The following LETM1 variants were observed in gnomAD, a reference collection of about 807,000 sequenced individuals.
LETM1 encodes the protein mitochondrial proton/calcium exchanger protein.
A neutral mutation model predicts 74.5 loss-of-function variants in LETM1; 50 were observed. The observed-to-expected ratio is 0.67, with a 90% CI of 0.53 to 0.85. The LOEUF is 0.85. Ranked by LOEUF, LETM1 falls within the 40% of genes least tolerant of loss-of-function variation. LETM1 has a pLI of 0.00. For missense variants in LETM1, 824 were observed against 967.8 expected (o/e 0.85, Z 1.97); for synonymous variants, 446 against 407.1 (o/e 1.10, Z -1.15).
In LETM1 at chr4:1,841,319, A is replaced by G. The variant is rs754410266; in HGVS notation, c.594+28T>C. On this transcript the variant is annotated intron_variant, in intron 3 of 13. Transcript: ENST00000302787. ...GCCTGGGTGATAGAGCAAGAAAGAAAAGAAAGGACTAGACATGTCCCCATT... is the reference window on the plus strand; with the variant it reads ...GCCTGGGTGATAGAGCAAGAAAGAAGAGAAAGGACTAGACATGTCCCCATT... 1.0e-5 allele frequency: 16 copies of G among 1,588,716 alleles called. No individual in the cohort carries two copies. In the Admixed American group the frequency reaches 1.0e-4, roughly 10 times the overall value.
intron 2 of LETM1, among the ~76,000 whole-genome samples, chr4:1,847,540 C>G (rs114137111): frequency 0.033 from 5,034 of 152,128 alleles, 131 homozygotes; most frequent in Non-Finnish European, 0.052. Flanking sequence ...ACGGGAGCAG[C>G]TAGGCGCAGT....
intron 1 of LETM1, among the ~76,000 whole-genome samples, chr4:1,850,266 G>T (rs923597536): frequency 6.6e-6 from 1 of 152,076 alleles, no homozygotes; most frequent in African/African-American, 2.4e-5. Context: ...CTAAGTGAAG[G>T]GTCTGCCCCA....
chr4:1,822,091 C>T, intron 10 of LETM1, 90 bp downstream of exon 10: 2 of 1,273,984 alleles, frequency 1.6e-6, no homozygotes, highest in Non-Finnish European at 2.0e-6. Context: ...GATGCCCCAG[C>T]TAACCTGTCC....
rs1712402266 is a variant in LETM1, at chr4:1,834,720, G to C, written c.876+125C>G. The C allele has an allele frequency of 5.9e-6, 9 of 1,518,616 alleles. No individual in the cohort carries two copies. In the South Asian group the frequency reaches 1.1e-4, roughly 18 times the overall value. 94.1% of individuals were successfully genotyped at this position (1,518,616 alleles called of 1,614,324 possible). On this transcript the variant is annotated intron_variant, in intron 5 of 13. Transcript: ENST00000302787. The surrounding 1 kb of genome is among the most constrained non-coding windows in gnomAD (Gnocchi z 5.0). ...CACTGGCCCCCGACTGAGCCTCCTGGGTAAACTTTCAAGCGCCAGCCAGCA... is the reference window on the plus strand; with the variant it reads ...CACTGGCCCCCGACTGAGCCTCCTGCGTAAACTTTCAAGCGCCAGCCAGCA...
At position 1,836,534 on chromosome 4, in the gene LETM1, C is replaced by T. The variant is rs757539857; in HGVS notation, c.633G>A (p.Pro211=). ...ACGGCACCACCACGAACACAAGGAA[C>T]GGCACCAGGCGGAAGAGGTCAGCGC... ...RICADLFRLV[P]FLVFVVVPFM... is the part of the protein sequence containing the mutation. Residue 211 remains proline, a synonymous_variant, in exon 4 of 14, where the codon CCG becomes CCA. Coordinates refer to ENST00000302787, the MANE Select transcript of LETM1 (RefSeq NM_012318.3). This position sits in a 1 kb window ranked among gnomAD's most constrained non-coding sequence, Gnocchi z 5.8. 4.8e-5 allele frequency: 78 copies of T among 1,613,746 alleles called. No individual in the cohort carries two copies. Among genetic ancestry groups the T allele is most frequent in the African/African-American group, 4.0e-4 (30 of 74,842 alleles).
At position 1,815,810 on chromosome 4, in the gene LETM1, A is replaced by T. The variant is rs148756266; in HGVS notation, c.1932-8T>A. On this transcript the variant is annotated splice_polypyrimidine_tract_variant and splice_region_variant and intron_variant, in intron 12 of 13. Transcript: ENST00000302787. ...ACACTGATGACGTTCTCCCTGTGGA[A>T]GCACAGCCTGCATGTGGCCACGGGC... 6.2e-7 allele frequency: 1 copy of T among 1,613,518 alleles called. No homozygotes were observed. Among genetic ancestry groups the T allele is most frequent in the East Asian group, 2.2e-5 (1 of 44,872 alleles).
chr4:1,856,069 C>CG lies in LETM1; in HGVS notation c.-120dup. ...GGCCCGCGCGGACGGCTGACAGAGG[C>CG]GGCTGGCCTCGGACGGGAGGCGCTC... On this transcript the variant is annotated 5_prime_UTR_variant, in exon 1 of 14. Coordinates refer to ENST00000302787, the MANE Select transcript of LETM1 (RefSeq NM_012318.3). The CG allele has an allele frequency of 1.9e-6, 1 of 535,198 alleles. No homozygotes were observed. Among genetic ancestry groups the CG allele is most frequent in the Non-Finnish European group, 2.7e-6 (1 of 365,692 alleles). 33.2% of individuals were successfully genotyped at this position (535,198 alleles called of 1,614,324 possible). A position where few individuals can be genotyped will look rare whatever the true frequency, so the allele number is the denominator to read the frequency against.
At chr4:1,815,605 G>GCCCCA in intron 13 of LETM1, 59 bp downstream of exon 13, 1 of 1,594,998 alleles carries the variant, frequency 6.3e-7, no homozygotes, top group Non-Finnish European at 8.6e-7. Context: ...CAGTCCCCCT[G>GCCCCA]CCCCACCCCA....
intron 7 of LETM1, 127 bp downstream of exon 7, chr4:1,825,437 C>T: frequency 8.5e-7 from 1 of 1,178,572 alleles, no homozygotes; most frequent in South Asian, 1.5e-5. Context: ...CTGGCCGTCC[C>T]CAGAGAGGTC....
intron 6 of LETM1, among the ~76,000 whole-genome samples, chr4:1,830,342 A>T (rs1244683718): frequency 2.0e-5 from 3 of 151,914 alleles, no homozygotes. Context: ...TCTTTTTCAA[A>T]TTTTTTTGAG....
rs745494986 is a variant in LETM1 at position 1,841,536 on chromosome 4, C to T, written c.405G>A (p.Glu135=). 6.8e-6 allele frequency: 11 copies of T among 1,614,140 alleles called. No individual in the cohort carries two copies. Among genetic ancestry groups the T allele is most frequent in the Non-Finnish European group, 9.3e-6 (11 of 1,180,054 alleles). ...KSLKDKNKKL[E]EGGPVYSPPA... ...GGGGGCTGTACACCGGGCCGCCTTC[C>T]TCCAGCTTCTTGTTCTTGTCCTTCA... Residue 135 remains glutamate, a synonymous_variant, in exon 3 of 14, where the codon GAG becomes GAA. Coordinates refer to ENST00000302787, the MANE Select transcript of LETM1 (RefSeq NM_012318.3).
intron 1 of LETM1, among the ~76,000 whole-genome samples, chr4:1,854,520 G>A (rs1285661728): frequency 4.0e-5 from 6 of 151,322 alleles, no homozygotes; most frequent in African/African-American, 9.7e-5. Context: ...GGGGCCGGGC[G>A]CGGTGGCTCA....
Position 1,829,000 on chromosome 4 carries a change from C to G in LETM1, c.1081-3317G>C, listed in dbSNP as rs1169629745. 1.9e-4 allele frequency among the ~76,000 whole-genome samples: 22 copies of G among 115,130 alleles called. No homozygotes were observed. In the South Asian group the frequency reaches 6.3e-3, roughly 33 times the overall value. 75.5% of individuals were successfully genotyped at this position (115,130 alleles called of 152,430 possible). ...GGCCGGGCAGGGGGGCTGACCCCCC[C>G]CCACCTCCCTCCCGGACGGGGCGGC... On this transcript the variant is annotated intron_variant, in intron 6 of 13. Coordinates refer to ENST00000302787, the MANE Select transcript of LETM1 (RefSeq NM_012318.3).
intron 6 of LETM1, among the ~76,000 whole-genome samples, chr4:1,832,170 C>T (rs554611223): frequency 6.6e-5 from 10 of 152,092 alleles, no homozygotes; most frequent in Non-Finnish European, 8.8e-5. Flanking sequence ...GGTATGGTGG[C>T]GGGCGCCTGT....
At chr4:1,819,106 A>G (rs1711683242) in intron 11 of LETM1, among the ~76,000 whole-genome samples, 1 of 151,124 alleles carries the variant, frequency 6.6e-6, no homozygotes, top group South Asian at 2.1e-4. Context: ...AAAAAGGTGC[A>G]CACACATCTG....
intron 1 of LETM1, among the ~76,000 whole-genome samples, chr4:1,851,473 T>G (rs1407910237): frequency 6.6e-6 from 1 of 152,230 alleles, no homozygotes; most frequent in Non-Finnish European, 1.5e-5. Context: ...ACTCTCCTGG[T>G]TCTGTGGGGA....
At chr4:1,842,996 C>T (rs765295217) in intron 2 of LETM1, 9 of 347,142 alleles carry the variant, frequency 2.6e-5, no homozygotes, top group East Asian at 1.1e-4. Context: ...CCCGGGTGGC[C>T]CGAGCTCACC....
chr4:1,825,315 C>A (rs1711943462), intron 7 of LETM1, among the ~76,000 whole-genome samples: 1 of 152,222 alleles, frequency 6.6e-6, no homozygotes, highest in South Asian at 2.1e-4. Context: ...TCTTTAAAAT[C>A]AACTAAAAGC....
At chr4:1,835,106 T>C in intron 4 of LETM1, 124 bp from the exon 5 acceptor site, 1 of 865,270 alleles carries the variant, frequency 1.2e-6, no homozygotes, top group Non-Finnish European at 1.8e-6. Flanking sequence ...GACTCTCATC[T>C]AAGTGCAATA....
Sources: gnomAD v4.1 joint callset for allele counts (sites outside exome capture counted in the v4.1 genomes callset) on GRCh38, gnomAD v4.1.1 for gene constraint, Gnocchi (gnomAD v3.1) non-coding constraint, MANE v1.5 for transcripts, NCBI Gene and HGNC (gene_info 2026-07-23, HGNC 2026-07-21) for gene names.